IL13RA1: variants seen among roughly 807,000 people sequenced by gnomAD.
IL13RA1 encodes interleukin 13 receptor subunit alpha 1, also known as interleukin-13 receptor subunit alpha-1.
IL13RA1 carries 14 observed loss-of-function variants against 33.8 expected under a neutral mutation model. That is an observed-to-expected ratio of 0.41 (90% confidence interval 0.27 to 0.65). The LOEUF (loss-of-function observed/expected upper bound fraction) is 0.65, where lower values mean the gene tolerates loss of function less well. IL13RA1 is among the 30% of genes least tolerant of loss of function. IL13RA1 has a pLI of 0.28. For missense variants in IL13RA1, 313 were observed against 327.0 expected, an observed-to-expected ratio of 0.96 and a Z score of 0.33; for synonymous variants, 116 against 115.7, an observed-to-expected ratio of 1.00 and a Z score of -0.02.
Position 118,776,449 on chromosome X carries a change from C to T in IL13RA1, c.1129C>T (p.Pro377Ser). The change falls in exon 10 of 11, where the codon CCA becomes TCA. Residue 377 changes from proline to serine, a missense_variant. Transcript: ENST00000371666. ...AAGGCTCAAGATTATTATATTCCCT[C>T]CAATTCCTGATCCTGGCAAGATTTT... ...LKRLKIIIFPPIPDPGKIFKE... is the reference protein window; with the variant it reads ...LKRLKIIIFPSIPDPGKIFKE... 1.0e-6 allele frequency: 1 copy of T among 994,153 alleles called. No homozygotes were observed. The highest frequency in any genetic ancestry group is 1.9e-5 in the South Asian group (1 of 51,918). 81.9% of individuals were successfully genotyped at this position (994,153 alleles called of 1,213,427 possible). A position where few individuals can be genotyped will look rare whatever the true frequency, so the allele number is the denominator to read the frequency against.
rs772862152 is a variant in IL13RA1, at chrX:118,731,563, C to T, written c.88+3837C>T. ...GCGCACTCCAGCCTGGGTAACAGAG[C>T]GAGACTCCGTCTCCAAAAAAAAAAA... On this transcript the variant is annotated intron_variant, in intron 1 of 10. Coordinates refer to ENST00000371666, the MANE Select transcript of IL13RA1 (RefSeq NM_001560.3). 8.5e-5 allele frequency among the ~76,000 whole-genome samples: 8 copies of T among 93,828 alleles called. No homozygotes were observed. In the East Asian group the frequency reaches 1.9e-3, roughly 22 times the overall value. The allele number at this position is 93,828 out of a possible 115,157, so 81.5% of individuals were successfully genotyped here. A position where few individuals can be genotyped will look rare whatever the true frequency, so the allele number is the denominator to read the frequency against.
At chrX:118,746,854 C>A in intron 2 of IL13RA1, 100 bp from the exon 3 acceptor site, 1 of 609,945 alleles carries the variant, frequency 1.6e-6, no homozygotes, top group Non-Finnish European at 2.6e-6. Flanking sequence ...CATTTGATAA[C>A]TTTTTTGATA....
intron 6 of IL13RA1, among the ~76,000 whole-genome samples, chrX:118,764,096 G>C (rs2017619993): frequency 9.2e-6 from 1 of 109,206 alleles, no homozygotes; most frequent in South Asian, 4.0e-4. Flanking sequence ...AACATGAACT[G>C]GTACCAACAC....
chrX:118,804,289 C>T, the IL13RA1 span, among the ~76,000 whole-genome samples: 3 of 110,040 alleles, frequency 2.7e-5, no homozygotes, highest in African/African-American at 9.9e-5. Flanking sequence ...CGTAGTCAGA[C>T]ATCTGTGAAG....
intron 6 of IL13RA1, among the ~76,000 whole-genome samples, chrX:118,766,114 A>G (rs756759678): frequency 2.1e-4 from 24 of 112,119 alleles, no homozygotes; most frequent in African/African-American, 7.4e-4. Context: ...TTTAATTTTA[A>G]TATGGATGAC....
rs139629014 is a variant in IL13RA1 at position 118,728,618 on chromosome X, A to T, written c.88+892A>T. 1.0e-2 allele frequency among the ~76,000 whole-genome samples: 1,121 copies of T among 112,162 alleles called. 7 individuals are homozygous for T. Among genetic ancestry groups the T allele is most frequent in the Non-Finnish European group, 0.012 (651 of 53,248 alleles). ...CCCAAACTGTATAGGTTTTATTATC[A>T]CATTGACACAAACACTTATATATGC... On this transcript the variant is annotated intron_variant, in intron 1 of 10. Transcript: ENST00000371666.
downstream of IL13RA1, among the ~76,000 whole-genome samples, chrX:118,795,148 G>A (rs911622780): frequency 5.8e-5 from 6 of 104,238 alleles, no homozygotes; most frequent in African/African-American, 1.1e-4. Flanking sequence ...GCGTGAACCC[G>A]GGAGGTGGAG....
At chrX:118,730,864 T>C (rs2017209525) in intron 1 of IL13RA1, among the ~76,000 whole-genome samples, 2 of 111,826 alleles carry the variant, frequency 1.8e-5, no homozygotes, top group Admixed American at 9.4e-5. Context: ...AAGAAAGATG[T>C]TGGAAGAAAA....
At chrX:118,774,974 A>G (rs1048235885) in intron 9 of IL13RA1, among the ~76,000 whole-genome samples, 12 of 111,601 alleles carry the variant, frequency 1.1e-4, no homozygotes, top group African/African-American at 3.9e-4. Flanking sequence ...GAACAGGACA[A>G]AGTCCTCATC....
At chrX:118,730,100 T>G (rs900957778) in intron 1 of IL13RA1, among the ~76,000 whole-genome samples, 1 of 110,746 alleles carries the variant, frequency 9.0e-6, no homozygotes, top group Admixed American at 9.6e-5. Context: ...AGGCCAGGAG[T>G]TTGAGCCTGG....
In IL13RA1 at chrX:118,766,909, C is replaced by G. The variant is rs1169495868; in HGVS notation, c.942C>G (p.Val314=). ...PDTLNTVRIR[V]KTNKLCYEDD... is the part of the protein sequence containing the mutation. ...CTTTGAACACAGTCAGAATAAGAGT[C>G]AAAACAAATAAGTTATGCTATGAGG... The change falls in exon 8 of 11, where the codon GTC becomes GTG. Residue 314 remains valine (V), a synonymous_variant. Transcript: ENST00000371666. 3 of 1,099,913 alleles carry G rather than the reference C, an allele frequency of 2.7e-6. No individual in the cohort carries two copies. The Admixed American group carries it at 6.6e-5, about 24-fold the overall frequency. 90.6% of individuals were successfully genotyped at this position (1,099,913 alleles called of 1,213,427 possible).
At chrX:118,781,723 T>C (rs1442705677) in intron 10 of IL13RA1, among the ~76,000 whole-genome samples, 1 of 112,648 alleles carries the variant, frequency 8.9e-6, no homozygotes, top group Non-Finnish European at 1.9e-5. Context: ...CTTTAAAAAT[T>C]ATTAATTCCT....
Position 118,730,627 on chromosome X carries a change from C to G in IL13RA1, c.88+2901C>G, listed in dbSNP as rs1231799031. Among the ~76,000 whole-genome samples, 3 of 111,661 alleles carry G rather than the reference C, an allele frequency of 2.7e-5. No individual in the cohort carries two copies. In the South Asian group the frequency reaches 1.1e-3, roughly 42 times the overall value. Reference sequence around the variant, plus strand: ...GAATAGCTTGATTTGCCCTTGAAAGCTCTGAGTCCGGCACAGCATGGGAAA... The same window carrying G: ...GAATAGCTTGATTTGCCCTTGAAAGGTCTGAGTCCGGCACAGCATGGGAAA... On this transcript the variant is annotated intron_variant, in intron 1 of 10. Coordinates refer to ENST00000371666, the MANE Select transcript of IL13RA1 (RefSeq NM_001560.3).
At chrX:118,774,340 G>A in intron 9 of IL13RA1, among the ~76,000 whole-genome samples, 1 of 109,243 alleles carries the variant, frequency 9.2e-6, no homozygotes, top group East Asian at 2.9e-4. Flanking sequence ...TAGTAGACAG[G>A]GTTTCACCAT....
Position 118,794,381 on chromosome X carries a change from C to T in IL13RA1, c.*2527C>T, listed in dbSNP as rs1425383423. 8.9e-6 allele frequency: 1 copy of T among 112,225 alleles called. No homozygotes were observed. The highest frequency in any genetic ancestry group is 9.5e-5 in the Admixed American group (1 of 10,559). 9.2% of individuals were successfully genotyped at this position (112,225 alleles called of 1,213,427 possible). ...CAGTGTCAGGATGGTAATTCTTATT[C>T]TTTCGTTCAGTTAAGTTTTTCCCTT... On this transcript the variant is annotated 3_prime_UTR_variant, in exon 11 of 11. Transcript: ENST00000371666.
At position 118,730,453 on chromosome X, in the gene IL13RA1, A is replaced by G. The variant is rs774782513; in HGVS notation, c.88+2727A>G. Among the ~76,000 whole-genome samples, 4 of 111,772 alleles carry G rather than the reference A, an allele frequency of 3.6e-5. No individual in the cohort carries two copies. In the East Asian group the frequency reaches 1.1e-3, roughly 31 times the overall value. On this transcript the variant is annotated intron_variant, in intron 1 of 10. Transcript: ENST00000371666. ...GTAAAACTTGAGCTAGATCTTCTGGATGACTGGGATTTGAGTAGGTGGAGA... is the reference window on the plus strand; with the variant it reads ...GTAAAACTTGAGCTAGATCTTCTGGGTGACTGGGATTTGAGTAGGTGGAGA...
intron 8 of IL13RA1, chrX:118,769,996 C>T (rs981524338): frequency 5.1e-5 from 11 of 217,308 alleles, no homozygotes; most frequent in Non-Finnish European, 8.6e-5. Flanking sequence ...ACTACACCGG[C>T]GACCCGGGCA....
At chrX:118,765,464 G>A (rs1200540668) in intron 6 of IL13RA1, among the ~76,000 whole-genome samples, 1 of 111,287 alleles carries the variant, frequency 9.0e-6, no homozygotes, top group Non-Finnish European at 1.9e-5. Context: ...TTATGTTTAT[G>A]AGATTCACCA....
In IL13RA1 at chrX:118,753,842, C is replaced by T. The variant is rs574154283; in HGVS notation, c.488+4064C>T. On this transcript the variant is annotated intron_variant, in intron 4 of 10. Coordinates refer to ENST00000371666, the MANE Select transcript of IL13RA1 (RefSeq NM_001560.3). ...GCCTACTTCTTGTCATATACAGTCC[C>T]AGAGCTGGTCATCAGCAGGGGATCT... is the stretch of plus-strand genomic sequence containing the variant. 1.9e-4 allele frequency among the ~76,000 whole-genome samples: 21 copies of T among 112,971 alleles called. 1 individual carries two copies. In the South Asian group the frequency reaches 7.2e-3, roughly 39 times the overall value.
Sources: allele counts gnomAD v4.1 joint callset (sites outside exome capture counted in the v4.1 genomes callset), GRCh38; gene constraint gnomAD v4.1.1; transcripts MANE v1.5; gene names NCBI Gene and HGNC (gene_info 2026-07-23, HGNC 2026-07-21).